USP32: variants seen among roughly 807,000 people sequenced by gnomAD.
The protein encoded by USP32 is ubiquitin carboxyl-terminal hydrolase 32.
In USP32, 59 loss-of-function variants were observed where a neutral mutation model predicts 204.8. The observed-to-expected ratio is 0.29, with a 90% CI of 0.23 to 0.36. USP32 has a LOEUF of 0.36. Among genes scored for constraint, USP32 ranks in the 10% least tolerant of loss-of-function variants. The pLI, the probability that USP32 is intolerant of heterozygous loss-of-function variation, is 1.00. For missense variants in USP32, 1,160 were observed against 1,946.4 expected (o/e 0.60, Z 7.60); for synonymous variants, 517 against 678.4 (o/e 0.76, Z 3.70).
intron 28 of USP32, among the ~76,000 whole-genome samples, chr17:60,192,025 T>C (rs1598039729): frequency 6.6e-6 from 1 of 152,096 alleles, no homozygotes; most frequent in Non-Finnish European, 1.5e-5. Context: ...CTTGGCGTGG[T>C]GGCTCACACC....
chr17:60,361,356 A>C (rs997411765), intron 1 of USP32, among the ~76,000 whole-genome samples: 12 of 152,190 alleles, frequency 7.9e-5, no homozygotes, highest in Non-Finnish European at 1.5e-4. Context: ...TACATATTAT[A>C]ATGCAACTTA....
At chr17:60,357,580 T>C (rs2089111915) in intron 1 of USP32, among the ~76,000 whole-genome samples, 1 of 152,158 alleles carries the variant, frequency 6.6e-6, no homozygotes, top group Non-Finnish European at 1.5e-5. Context: ...TAGTCATACA[T>C]CTCTTGCTGA....
intron 2 of USP32, among the ~76,000 whole-genome samples, chr17:60,328,979 A>G (rs2088311792): frequency 1.3e-5 from 2 of 152,198 alleles, no homozygotes. Context: ...CATGAGATCC[A>G]GGCTGGTAGT....
intron 2 of USP32, among the ~76,000 whole-genome samples, chr17:60,325,120 A>G (rs1390400665): frequency 6.6e-6 from 1 of 152,312 alleles, no homozygotes; most frequent in East Asian, 1.9e-4. Context: ...AATATTGAAT[A>G]AGAAAGAAAC....
chr17:60,420,077 T>G (rs1009212453), intron 1 of USP32, among the ~76,000 whole-genome samples: 4 of 150,200 alleles, frequency 2.7e-5, no homozygotes, highest in African/African-American at 9.7e-5. Context: ...TTGTTTATTT[T>G]ATTTTATTTT....
Position 60,192,883 on chromosome 17 carries a change from T to C in USP32, c.3482A>G (p.Gln1161Arg), listed in dbSNP as rs760275237. ...CCAAGCACAGGAGTTCCCATCTTTC[T>C]GCACAACTCGTAGAGTGAATGGATA... ...YQYPFTLRVVQKDGNSCAWCP... is the reference protein window; with the variant it reads ...YQYPFTLRVVRKDGNSCAWCP... The change falls in exon 28 of 34, where the codon CAG becomes CGG. Residue 1161 changes from glutamine (Q) to arginine (R), a missense_variant. Gln to Arg is a conservative substitution (Grantham distance 43). This residue lies in a region of USP32 where 160 missense variants were observed against 322.5 expected (regional missense o/e 0.50). Transcript: ENST00000300896. 6.2e-7 allele frequency: 1 copy of C among 1,614,048 alleles called. No homozygotes were observed.
At chr17:60,263,995 A>C (rs1372920725) in intron 9 of USP32, among the ~76,000 whole-genome samples, 2 of 152,150 alleles carry the variant, frequency 1.3e-5, no homozygotes, top group East Asian at 3.8e-4. Context: ...ATTTATGCAA[A>C]TGTGTCTCAT....
chr17:60,296,953 A>C (rs895531150), intron 3 of USP32, among the ~76,000 whole-genome samples: 2 of 152,200 alleles, frequency 1.3e-5, no homozygotes, highest in Admixed American at 1.3e-4. Flanking sequence ...CATTATATCC[A>C]ATCCCTTTTG....
intron 2 of USP32, among the ~76,000 whole-genome samples, chr17:60,328,820 T>C (rs1053792647): frequency 6.6e-6 from 1 of 152,176 alleles, no homozygotes; most frequent in African/African-American, 2.4e-5. Context: ...GCTGCAGCCT[T>C]GCAGGAAGGC....
intron 1 of USP32, among the ~76,000 whole-genome samples, chr17:60,368,114 A>G (rs1289233972): frequency 6.6e-6 from 1 of 152,174 alleles, no homozygotes; most frequent in Non-Finnish European, 1.5e-5. Flanking sequence ...TGTCCTTCAA[A>G]GAGCCATATA....
At chr17:60,268,599 A>G (rs1002078143) in intron 7 of USP32, among the ~76,000 whole-genome samples, 1 of 151,308 alleles carries the variant, frequency 6.6e-6, no homozygotes, top group African/African-American at 2.4e-5. Context: ...AAAAAAAAAA[A>G]AAAAAAGATT....
intron 1 of USP32, among the ~76,000 whole-genome samples, chr17:60,412,683 C>A (rs1398368175): frequency 6.6e-6 from 1 of 151,974 alleles, no homozygotes; most frequent in Admixed American, 6.6e-5. Context: ...GAGTGGGGTA[C>A]AAATACGGTG....
chr17:60,320,008 G>C (rs961109408), intron 2 of USP32, among the ~76,000 whole-genome samples: 3 of 152,076 alleles, frequency 2.0e-5, no homozygotes, highest in African/African-American at 7.2e-5. Context: ...GGATGACTGC[G>C]TAAGTATCTT....
At chr17:60,263,594 C>G (rs1183015123) in intron 9 of USP32, among the ~76,000 whole-genome samples, 2 of 152,122 alleles carry the variant, frequency 1.3e-5, no homozygotes, top group African/African-American at 4.8e-5. Flanking sequence ...ACATAAAAGG[C>G]GACAGCAAAA....
intron 2 of USP32, among the ~76,000 whole-genome samples, chr17:60,332,680 C>G (rs994423710): frequency 6.6e-6 from 1 of 152,152 alleles, no homozygotes; most frequent in African/African-American, 2.4e-5. Flanking sequence ...CCTATATAAC[C>G]TATGCTTTCC....
intron 9 of USP32, among the ~76,000 whole-genome samples, chr17:60,259,334 C>A (rs1388714923): frequency 4.6e-5 from 7 of 152,098 alleles, no homozygotes; most frequent in Admixed American, 3.3e-4. Context: ...AGCATATATG[C>A]CCTTTTTGTT....
rs536000218 is a variant in USP32, at chr17:60,280,618, T to C, written c.571+7905A>G. Among the ~76,000 whole-genome samples, 7 of 152,342 alleles carry C rather than the reference T, an allele frequency of 4.6e-5. No individual in the cohort carries two copies. The South Asian group carries it at 1.0e-3, about 23-fold the overall frequency. The stretch of plus-strand genomic sequence containing the variant: ...AGTTAAAAATTGTAATTCCTTTTTG[T>C]TTCCTAGATACCTTGGCTCATTACA... On this transcript the variant is annotated intron_variant, in intron 5 of 33. Transcript: ENST00000300896.
At chr17:60,381,310 A>G (rs3867606) in intron 1 of USP32, among the ~76,000 whole-genome samples, 36 of 152,166 alleles carry the variant, frequency 2.4e-4, no homozygotes, top group Non-Finnish European at 3.8e-4. Flanking sequence ...GGTGTGGTCC[A>G]CACATCTGGA....
chr17:60,318,926 T>C (rs1233879058), intron 2 of USP32, among the ~76,000 whole-genome samples: 2 of 152,232 alleles, frequency 1.3e-5, no homozygotes, highest in Non-Finnish European at 2.9e-5. Flanking sequence ...AGGAATGAAG[T>C]TCTGATACAT....
Sources: allele counts gnomAD v4.1 joint callset (sites outside exome capture counted in the v4.1 genomes callset), GRCh38; gene constraint gnomAD v4.1.1; regional missense constraint gnomAD v4.1.1; transcripts MANE v1.5; gene names NCBI Gene and HGNC (gene_info 2026-07-23, HGNC 2026-07-21).